AGAP4: variants seen among roughly 807,000 people sequenced by gnomAD.
The protein encoded by AGAP4 is arf-GAP with GTPase, ANK repeat and PH domain-containing protein 4.
AGAP4 carries 13 observed loss-of-function variants against 60.7 expected under a neutral mutation model. The ratio of observed to expected loss-of-function variants is 0.21; its 90% confidence interval spans 0.14 to 0.34. The LOEUF (loss-of-function observed/expected upper bound fraction) is 0.34, where lower values mean the gene tolerates loss of function less well. Among genes scored for constraint, AGAP4 ranks in the 10% least tolerant of loss-of-function variants. The pLI is 1.00. For synonymous variants in AGAP4, 70 were observed against 339.0 expected, an observed-to-expected ratio of 0.21 and a Z score of 8.72; for missense variants, 169 against 884.0, an observed-to-expected ratio of 0.19 and a Z score of 10.26.
At position 45,838,775 on chromosome 10, in the gene AGAP4, G is replaced by T. The variant is rs4042904; in HGVS notation, c.396+2878C>A. 3.7e-3 allele frequency among the ~76,000 whole-genome samples: 564 copies of T among 151,662 alleles called. 8 individuals carry two copies. The highest frequency in any genetic ancestry group is 0.017 in the Middle Eastern group (5 of 292). On this transcript the variant is annotated intron_variant, in intron 4 of 7. Coordinates refer to ENST00000616763, the MANE Select transcript of AGAP4 (RefSeq NM_001276343.3). The stretch of plus-strand genomic sequence containing the variant: ...CCTTTTTGTAGATATGAGGACTTGC[G>T]ATGTTGACCAGGCTAAAAATGAACA...
chr10:45,830,915 G>C (rs1271897534), intron 6 of AGAP4, among the ~76,000 whole-genome samples: 1 of 126,728 alleles, frequency 7.9e-6, no homozygotes, highest in African/African-American at 3.0e-5. Context: ...TTTTGTTGTA[G>C]AAAAGTTATT....
intron 1 of AGAP4, among the ~76,000 whole-genome samples, chr10:45,852,779 T>C (rs1325222538): frequency 2.6e-5 from 4 of 152,114 alleles, no homozygotes; most frequent in Admixed American, 6.6e-5. Flanking sequence ...CTTCAGGACC[T>C]AGAGGCTACA....
intron 4 of AGAP4, among the ~76,000 whole-genome samples, chr10:45,839,952 G>A (rs2058890316): frequency 6.7e-6 from 1 of 149,594 alleles, no homozygotes; most frequent in Non-Finnish European, 1.5e-5. Context: ...AAAATACAAG[G>A]GGAAAAATTA....
intron 6 of AGAP4, among the ~76,000 whole-genome samples, chr10:45,830,199 G>C (rs1357916169): frequency 6.7e-6 from 1 of 148,782 alleles, no homozygotes. Context: ...TTGAGACAGA[G>C]TCGCTCTCTG....
intron 4 of AGAP4, among the ~76,000 whole-genome samples, chr10:45,840,890 ATAT>A (rs1447879427): frequency 4.4e-5 from 3 of 67,516 alleles, no homozygotes. Context: ...GCAGTGAATA[ATAT>A]TTGCAGAGTC....
Position 45,834,106 on chromosome 10 carries a change from A to T in AGAP4, c.407T>A (p.Val136Glu), listed in dbSNP as rs1208784291. The change falls in exon 5 of 8, where the codon GTG (valine) becomes GAG (glutamate). Residue 136 changes from valine to glutamate, a missense_variant. Physicochemically the swap from Val to Glu is moderately radical, Grantham distance 121 (BLOSUM62 -2). Transcript: ENST00000616763. ...RSNCTNHVST[V>E]RFSQQYSLCS... ...CAAGCTGTATTGTTGACTGAAACGC[A>T]CAGTAGATACCTGAAGGGGAAGGGA... 8.2e-6 allele frequency: 13 copies of T among 1,592,168 alleles called. No homozygotes were observed. The East Asian group carries it at 9.0e-5, about 11-fold the overall frequency.
At chr10:45,849,789 C>T (rs1420719856), upstream of AGAP4, among the ~76,000 whole-genome samples, 10 of 149,276 alleles carry the variant, frequency 6.7e-5, no homozygotes, top group East Asian at 2.0e-4. Flanking sequence ...TGCAGGCATG[C>T]GCCACCATGC....
intron 3 of AGAP4, among the ~76,000 whole-genome samples, chr10:45,842,590 G>T (rs2058936828): frequency 1.3e-5 from 2 of 148,864 alleles, no homozygotes. Flanking sequence ...TGGACATGGT[G>T]TCTGCAGCAC....
In AGAP4 at chr10:45,843,071, T is replaced by C. The variant is rs1298301743; in HGVS notation, c.361+1255A>G. Among the ~76,000 whole-genome samples the C allele has an allele frequency of 5.6e-3, 493 of 87,810 alleles. 109 individuals carry two copies. Among genetic ancestry groups the C allele is most frequent in the African/African-American group, 0.024 (464 of 19,356 alleles). The allele number at this position is 87,810 out of a possible 152,430, so 57.6% of individuals were successfully genotyped here. A position where few individuals can be genotyped will look rare whatever the true frequency, so the allele number is the denominator to read the frequency against. ...CAGCACTTTGGGAGGCTGAAGCGGG[T>C]AGATCACTTGAGGTCAGGAGTTTCA... is the stretch of plus-strand genomic sequence containing the variant. On this transcript the variant is annotated intron_variant, in intron 3 of 7. Coordinates refer to ENST00000616763, the MANE Select transcript of AGAP4 (RefSeq NM_001276343.3).
upstream of AGAP4, among the ~76,000 whole-genome samples, chr10:45,850,502 C>A (rs1291013112): frequency 5.8e-4 from 88 of 151,812 alleles, no homozygotes; most frequent in Non-Finnish European, 8.7e-4. Flanking sequence ...GTCATTGAAC[C>A]ATGAAAAGGT....
At chr10:45,835,371 T>TA (rs1490299946) in intron 4 of AGAP4, among the ~76,000 whole-genome samples, 1 of 95,828 alleles carries the variant, frequency 1.0e-5, no homozygotes, top group Non-Finnish European at 2.1e-5. Context: ...AATGACAACT[T>TA]AAAAAATCTA....
chr10:45,849,349 A>C (rs1284793404), upstream of AGAP4, among the ~76,000 whole-genome samples: 1 of 151,752 alleles, frequency 6.6e-6, no homozygotes, highest in Non-Finnish European at 1.5e-5. Context: ...CCCTCGACAC[A>C]TCAGGATTAT....
intron 5 of AGAP4, among the ~76,000 whole-genome samples, chr10:45,831,918 G>T (rs1281405960): frequency 6.8e-6 from 1 of 148,046 alleles, no homozygotes; most frequent in Non-Finnish European, 1.5e-5. Context: ...GTTTTTTTGG[G>T]GGGTGGGGTG....
intron 4 of AGAP4, among the ~76,000 whole-genome samples, chr10:45,839,980 A>T (rs2058890831): frequency 1.3e-5 from 2 of 150,718 alleles, no homozygotes; most frequent in African/African-American, 4.9e-5. Flanking sequence ...ATGCAGGCGT[A>T]CTGGTCTAAG....
upstream of AGAP4, among the ~76,000 whole-genome samples, chr10:45,850,931 A>G (rs1178682584): frequency 3.2e-3 from 487 of 152,222 alleles, 1 homozygote; most frequent in African/African-American, 0.011. Flanking sequence ...TGTTTTCAAA[A>G]ATAACATACA....
chr10:45,851,527 T>C (rs1434531941), upstream of AGAP4, among the ~76,000 whole-genome samples: 63 of 151,578 alleles, frequency 4.2e-4, no homozygotes, highest in African/African-American at 1.2e-3. Flanking sequence ...AGGCAGTGGG[T>C]AAAGTAGTGA....
chr10:45,852,362 C>G (rs1416785678), upstream of AGAP4, among the ~76,000 whole-genome samples: 1 of 134,376 alleles, frequency 7.4e-6, no homozygotes, highest in Admixed American at 7.2e-5. Flanking sequence ...AAGTGGGTAA[C>G]TTGAAAAGCA....
At chr10:45,853,602 G>C in intron 1 of AGAP4, 1 of 1,280,728 alleles carries the variant, frequency 7.8e-7, no homozygotes. Context: ...CTACACACAG[G>C]CAGCGATAAA....
chr10:45,851,915 C>CT (rs574749340), upstream of AGAP4, among the ~76,000 whole-genome samples: 4 of 144,402 alleles, frequency 2.8e-5, no homozygotes, highest in Non-Finnish European at 4.5e-5. Flanking sequence ...TTTTAACAGA[C>CT]TTTTTTTTTC....
Sources: gnomAD v4.1 joint callset for allele counts (sites outside exome capture counted in the v4.1 genomes callset) on GRCh38, gnomAD v4.1.1 for gene constraint, MANE v1.5 for transcripts, NCBI Gene and HGNC (gene_info 2026-07-23, HGNC 2026-07-21) for gene names.